Variants in MBOAT2 observed in about 807,000 individuals in gnomAD.
The protein encoded by MBOAT2 is membrane-bound glycerophospholipid O-acyltransferase 2.
Under a neutral mutation model 63.4 loss-of-function variants are expected in MBOAT2, and 28 were observed. That is an observed-to-expected ratio of 0.44 (90% CI 0.33 to 0.61). MBOAT2 has a LOEUF of 0.61. Among genes scored for constraint, MBOAT2 ranks in the 20% least tolerant of loss-of-function variants. MBOAT2 has a pLI of 0.03. For synonymous variants in MBOAT2, 211 were observed against 215.6 expected (o/e 0.98, Z 0.19); for missense variants, 470 against 605.8 (o/e 0.78, Z 2.35).
intron 4 of MBOAT2, among the ~76,000 whole-genome samples, chr2:8,903,420 G>A (rs138191136): frequency 2.9e-4 from 44 of 152,190 alleles, no homozygotes; most frequent in African/African-American, 9.2e-4. Context: ...CCTCTGATAC[G>A]GTTCAGTTAG....
intron 4 of MBOAT2, among the ~76,000 whole-genome samples, chr2:8,907,735 C>T (rs536053529): frequency 6.6e-6 from 1 of 152,084 alleles, no homozygotes; most frequent in Non-Finnish European, 1.5e-5. Flanking sequence ...TTCATCTGAA[C>T]CTATTTTTAA....
At chr2:8,937,161 A>G (rs550136193) in intron 3 of MBOAT2, among the ~76,000 whole-genome samples, 1 of 152,334 alleles carries the variant, frequency 6.6e-6, no homozygotes, top group African/African-American at 2.4e-5. Context: ...CTCCAGGGGC[A>G]CAGAAAAGGA....
chr2:8,923,291 C>G (rs1666711977), intron 3 of MBOAT2, among the ~76,000 whole-genome samples: 1 of 152,212 alleles, frequency 6.6e-6, no homozygotes. Flanking sequence ...ATAACTTTCT[C>G]AACTACTCCT....
In MBOAT2 at chr2:8,947,246, G is replaced by C. The variant is rs557086692; in HGVS notation, c.222-3982C>G. ...CTCTCTTCAATTCTAGTAGGGTGGA[G>C]AGAGATGAAGCTGGAGAAGAAAATT... On this transcript the variant is annotated intron_variant, in intron 2 of 12. Transcript: ENST00000305997. Among the ~76,000 whole-genome samples, 6 of 152,320 alleles carry C rather than the reference G, an allele frequency of 3.9e-5. No homozygotes were observed. In the East Asian group the frequency reaches 1.2e-3, roughly 29 times the overall value.
chr2:8,939,177 T>G (rs776052803), intron 3 of MBOAT2, among the ~76,000 whole-genome samples: 10 of 152,200 alleles, frequency 6.6e-5, no homozygotes, highest in Non-Finnish European at 1.3e-4. Context: ...GAATGAATCT[T>G]TCTACTAAAT....
In MBOAT2 at chr2:8,858,783, C is replaced by CA; in HGVS notation, c.1458dup (p.Asp487Ter). On this transcript the variant is annotated frameshift_variant, in exon 13 of 13. Coordinates refer to ENST00000305997, the MANE Select transcript of MBOAT2 (RefSeq NM_138799.4). LOFTEE classifies it high-confidence loss of function. ...TGTCCCAAAGAATTTTCTCCTTCATCAAACTTTTTGGATTGTGAGAGCTGA... is the reference window on the plus strand; with the variant it reads ...TGTCCCAAAGAATTTTCTCCTTCATCAAAACTTTTTGGATTGTGAGAGCTGA... 4 of 1,614,044 alleles carry CA rather than the reference C, an allele frequency of 2.5e-6. No individual in the cohort carries two copies. The highest frequency in any genetic ancestry group is 3.4e-6 in the Non-Finnish European group (4 of 1,179,994).
At chr2:8,872,086 C>T (rs908092376) in intron 8 of MBOAT2, among the ~76,000 whole-genome samples, 6 of 152,188 alleles carry the variant, frequency 3.9e-5, no homozygotes, top group Non-Finnish European at 8.8e-5. Flanking sequence ...GTGGCTAATT[C>T]AGCAGAGCAG....
chr2:8,990,028 C>T (rs1266213111), intron 1 of MBOAT2, among the ~76,000 whole-genome samples: 3 of 152,188 alleles, frequency 2.0e-5, no homozygotes, highest in Non-Finnish European at 4.4e-5. Flanking sequence ...CCTCAATCCA[C>T]GATCTTAGTC....
chr2:8,928,249 A>C (rs1053014739), intron 3 of MBOAT2, among the ~76,000 whole-genome samples: 5 of 152,202 alleles, frequency 3.3e-5, no homozygotes, highest in Non-Finnish European at 7.3e-5. Context: ...CCATATCAGT[A>C]AGCAAGCCTG....
rs1662911376 is a variant in MBOAT2 at position 8,879,021 on chromosome 2, A to G, written c.507-1808T>C. ...AACCCGGGAGGCGGAGCTTGCAGTG[A>G]GCCGAGATCCCGCCACTGCACTCCA... On this transcript the variant is annotated intron_variant, in intron 6 of 12. Coordinates refer to ENST00000305997, the MANE Select transcript of MBOAT2 (RefSeq NM_138799.4). Among the ~76,000 whole-genome samples, 2 of 147,226 alleles carry G rather than the reference A, an allele frequency of 1.4e-5. 1 individual carries two copies. The highest frequency in any genetic ancestry group is 5.1e-5 in the African/African-American group (2 of 39,464).
intron 3 of MBOAT2, among the ~76,000 whole-genome samples, chr2:8,921,196 G>C (rs62104429): frequency 0.042 from 6,399 of 152,154 alleles, 147 homozygotes; most frequent in Middle Eastern, 0.058. Context: ...ATATTTGGTA[G>C]TGAACTATTT....
chr2:8,940,898 C>T (rs1028246924), intron 3 of MBOAT2, among the ~76,000 whole-genome samples: 2 of 151,956 alleles, frequency 1.3e-5, no homozygotes, highest in Non-Finnish European at 2.9e-5. Context: ...TATATTAAAA[C>T]GTAATGTAAG....
chr2:8,955,268 T>C (rs893089064), intron 2 of MBOAT2, among the ~76,000 whole-genome samples: 6 of 152,230 alleles, frequency 3.9e-5, no homozygotes, highest in African/African-American at 1.2e-4. Flanking sequence ...CTTTTCACGA[T>C]GTCTGTCCTT....
rs772262717 is a variant in MBOAT2, at chr2:8,868,563, C to T, written c.884-14G>A. The T allele has an allele frequency of 1.5e-5, 24 of 1,594,428 alleles. No individual in the cohort carries two copies. Among genetic ancestry groups the T allele is most frequent in the Non-Finnish European group, 1.9e-5 (22 of 1,167,628 alleles). On this transcript the variant is annotated splice_polypyrimidine_tract_variant and intron_variant, in intron 8 of 12. Transcript: ENST00000305997. ...TAATGGCATCAGCTATAGAAAACAACATTAGAAAAAAGTATTAAGAATCTC... is the reference window on the plus strand; with the variant it reads ...TAATGGCATCAGCTATAGAAAACAATATTAGAAAAAAGTATTAAGAATCTC...
At chr2:8,879,053 G>A (rs1662914158) in intron 6 of MBOAT2, among the ~76,000 whole-genome samples, 2 of 147,546 alleles carry the variant, frequency 1.4e-5, no homozygotes, top group South Asian at 4.4e-4. Flanking sequence ...TCCAGCCTGG[G>A]CGACAGAGCG....
intron 3 of MBOAT2, among the ~76,000 whole-genome samples, chr2:8,929,127 T>C (rs1024798442): frequency 3.9e-5 from 6 of 152,210 alleles, no homozygotes; most frequent in Non-Finnish European, 7.4e-5. Flanking sequence ...ACCTTTTTTG[T>C]ATGCCAGGTG....
At chr2:8,907,896 T>C (rs1160566395) in intron 4 of MBOAT2, among the ~76,000 whole-genome samples, 3 of 152,190 alleles carry the variant, frequency 2.0e-5, no homozygotes, top group Non-Finnish European at 4.4e-5. Flanking sequence ...AATTTTTTTT[T>C]CAGAGGTAAC....
chr2:8,926,566 C>T (rs1267436564), intron 3 of MBOAT2, among the ~76,000 whole-genome samples: 1 of 152,192 alleles, frequency 6.6e-6, no homozygotes, highest in Non-Finnish European at 1.5e-5. Flanking sequence ...GTGTGCACTA[C>T]TACAAACGGT....
At chr2:8,890,841 C>G (rs1663940216) in intron 4 of MBOAT2, among the ~76,000 whole-genome samples, 1 of 152,164 alleles carries the variant, frequency 6.6e-6, no homozygotes, top group African/African-American at 2.4e-5. Context: ...TTTAAAATAT[C>G]AAATAAACTG....
Sources: gnomAD v4.1 joint callset for allele counts (sites outside exome capture counted in the v4.1 genomes callset) on GRCh38, gnomAD v4.1.1 for gene constraint, MANE v1.5 for transcripts, NCBI Gene and HGNC (gene_info 2026-07-23, HGNC 2026-07-21) for gene names.